The following PPM1E variants were observed in gnomAD, a reference collection of about 807,000 sequenced individuals.
PPM1E encodes protein phosphatase 1E.
A neutral mutation model predicts 65.9 loss-of-function variants in PPM1E; 20 were observed. The observed-to-expected ratio is 0.30, with a 90% CI of 0.21 to 0.44. The LOEUF is 0.44. PPM1E is among the 20% of genes least tolerant of loss of function. PPM1E has a pLI of 1.00. For missense variants in PPM1E, 713 were observed against 953.1 expected, an observed-to-expected ratio of 0.75 and a Z score of 3.32; for synonymous variants, 352 against 374.9, an observed-to-expected ratio of 0.94 and a Z score of 0.70.
In PPM1E at chr17:58,839,333, A is replaced by T. The variant is rs202217074; in HGVS notation, c.464+82872A>T. On this transcript the variant is annotated intron_variant, in intron 1 of 6. Transcript: ENST00000308249. Reference sequence around the variant, plus strand: ...CAAGACCTTGTCTCTAAAAAAAAAAATTTTTTTAAGGAAAAAATAATATAA... The same window carrying T: ...CAAGACCTTGTCTCTAAAAAAAAAATTTTTTTTAAGGAAAAAATAATATAA... 8.5e-3 allele frequency among the ~76,000 whole-genome samples: 1,287 copies of T among 151,976 alleles called. 18 individuals are homozygous for T. Among genetic ancestry groups the T allele is most frequent in the South Asian group, 0.019 (93 of 4,800 alleles).
intron 1 of PPM1E, among the ~76,000 whole-genome samples, chr17:58,897,213 G>T (rs1455168042): frequency 2.0e-5 from 3 of 152,036 alleles, no homozygotes; most frequent in Non-Finnish European, 2.9e-5. Context: ...AGGAGATCGA[G>T]ACCATCCTGG....
intron 1 of PPM1E, among the ~76,000 whole-genome samples, chr17:58,894,320 A>G (rs1453379294): frequency 2.0e-5 from 3 of 152,160 alleles, no homozygotes; most frequent in Non-Finnish European, 4.4e-5. Context: ...TAAAAAATTG[A>G]TTCAAGAGGC....
intron 1 of PPM1E, among the ~76,000 whole-genome samples, chr17:58,817,304 C>G (rs1460068848): frequency 6.6e-6 from 1 of 152,128 alleles, no homozygotes; most frequent in East Asian, 1.9e-4. Flanking sequence ...ATTGCCGGAT[C>G]ATATGGTAAT....
At chr17:58,959,165 C>T (rs561937442) in intron 2 of PPM1E, among the ~76,000 whole-genome samples, 29 of 150,622 alleles carry the variant, frequency 1.9e-4, no homozygotes, top group African/African-American at 6.8e-4. Context: ...AAAAATTAGC[C>T]GGGTGTGGTG....
intron 1 of PPM1E, among the ~76,000 whole-genome samples, chr17:58,850,894 C>G (rs1477648054): frequency 6.6e-6 from 1 of 152,196 alleles, no homozygotes; most frequent in East Asian, 1.9e-4. Context: ...TTCCATTCTC[C>G]CCGTCACTTT....
intron 1 of PPM1E, among the ~76,000 whole-genome samples, chr17:58,920,471 G>C (rs2051737732): frequency 6.6e-6 from 1 of 152,060 alleles, no homozygotes. Flanking sequence ...CCCTCTCCCT[G>C]TAGTATATGG....
At chr17:58,979,850 T>C in intron 6 of PPM1E, 124 bp from the exon 7 acceptor site, 1 of 744,500 alleles carries the variant, frequency 1.3e-6, no homozygotes, top group Non-Finnish European at 2.1e-6. Context: ...TTATAAATTC[T>C]TTCCAGTCAA....
intron 6 of PPM1E, among the ~76,000 whole-genome samples, chr17:58,975,738 C>T (rs1308373277): frequency 6.6e-6 from 1 of 152,146 alleles, no homozygotes; most frequent in Admixed American, 6.5e-5. Context: ...GCTAAGTAGT[C>T]TGGACTTTAC....
chr17:58,851,195 T>A (rs1240145917), intron 1 of PPM1E, among the ~76,000 whole-genome samples: 1 of 152,154 alleles, frequency 6.6e-6, no homozygotes, highest in Non-Finnish European at 1.5e-5. Flanking sequence ...TTTCAAGGTT[T>A]TTAGCTTCCT....
intron 3 of PPM1E, among the ~76,000 whole-genome samples, chr17:58,967,952 T>C (rs2030363402): frequency 6.6e-6 from 1 of 151,978 alleles, no homozygotes; most frequent in South Asian, 2.1e-4. Context: ...TACAGGCGCG[T>C]GCCACCACAC....
At chr17:58,956,438 AAAAAAAC>A (rs974116832) in intron 2 of PPM1E, among the ~76,000 whole-genome samples, 5 of 128,190 alleles carry the variant, frequency 3.9e-5, no homozygotes, top group South Asian at 5.4e-4. Context: ...TCTGTCTCAA[AAAAAAAC>A]AAAAAACAAA....
intron 1 of PPM1E, among the ~76,000 whole-genome samples, chr17:58,954,477 G>C (rs1213900721): frequency 6.6e-6 from 1 of 152,094 alleles, no homozygotes; most frequent in Admixed American, 6.5e-5. Context: ...CATGTATCTG[G>C]TCTTTGTCTG....
At chr17:58,914,712 G>A (rs972971987) in intron 1 of PPM1E, among the ~76,000 whole-genome samples, 3 of 152,176 alleles carry the variant, frequency 2.0e-5, no homozygotes, top group African/African-American at 7.2e-5. Context: ...TTGATATGAT[G>A]TGGTGAGTCC....
chr17:58,816,748 ATATATATATAT>A lies in PPM1E; in HGVS notation c.464+60288_464+60298del, dbSNP rs1567841981. On this transcript the variant is annotated intron_variant, in intron 1 of 6. Coordinates refer to ENST00000308249, the MANE Select transcript of PPM1E (RefSeq NM_014906.5). The stretch of plus-strand genomic sequence containing the variant: ...AGCATGTATCAGAATATAAATATAT[ATATATATATAT>A]ATATATATATATATATATATATATA... Among the ~76,000 whole-genome samples the A allele has an allele frequency of 3.4e-4, 3 of 8,708 alleles. 1 individual carries two copies. Among genetic ancestry groups the A allele is most frequent in the African/African-American group, 6.8e-4 (1 of 1,476 alleles). The allele number at this position is 8,708 out of a possible 152,430, so 5.7% of individuals were successfully genotyped here.
chr17:58,954,215 T>C (rs372253534), intron 1 of PPM1E, among the ~76,000 whole-genome samples: 1 of 152,314 alleles, frequency 6.6e-6, no homozygotes. Flanking sequence ...TCTCCCTCTC[T>C]CACCTCTACA....
At chr17:58,947,067 A>G (rs970641121) in intron 1 of PPM1E, among the ~76,000 whole-genome samples, 1 of 140,012 alleles carries the variant, frequency 7.1e-6, no homozygotes, top group African/African-American at 2.7e-5. Context: ...TTCCAGCACC[A>G]TTTGACCATT....
intron 3 of PPM1E, chr17:58,966,244 G>A (rs1386265063): frequency 2.7e-6 from 1 of 372,030 alleles, no homozygotes; most frequent in Admixed American, 4.1e-5. Context: ...GCTGGGTGTG[G>A]TAGCTCACGC....
intron 1 of PPM1E, among the ~76,000 whole-genome samples, chr17:58,894,564 A>G (rs1598634983): frequency 6.6e-6 from 1 of 152,142 alleles, no homozygotes; most frequent in East Asian, 1.9e-4. Flanking sequence ...ATAACTTCTT[A>G]GTATTATTAT....
At chr17:58,758,809 G>A (rs1355116184) in intron 1 of PPM1E, among the ~76,000 whole-genome samples, 2 of 152,150 alleles carry the variant, frequency 1.3e-5, no homozygotes, top group African/African-American at 4.8e-5. Flanking sequence ...GCCGGGCACA[G>A]TGGCTCATGC....
Sources: allele counts gnomAD v4.1 joint callset (sites outside exome capture counted in the v4.1 genomes callset), GRCh38; gene constraint gnomAD v4.1.1; transcripts MANE v1.5; gene names NCBI Gene and HGNC (gene_info 2026-07-23, HGNC 2026-07-21).